RAP1GAP2: variants seen among roughly 807,000 people sequenced by gnomAD.
RAP1GAP2 encodes rap1 GTPase-activating protein 2.
RAP1GAP2 carries 27 observed loss-of-function variants against 95.0 expected under a neutral mutation model. That is an observed-to-expected ratio of 0.28 (90% CI 0.21 to 0.39). RAP1GAP2 has a LOEUF of 0.39. Ranked by LOEUF, RAP1GAP2 falls within the 10% of genes least tolerant of loss-of-function variation. RAP1GAP2 has a pLI of 1.00. For synonymous variants in RAP1GAP2, 373 were observed against 380.9 expected (o/e 0.98, Z 0.24); for missense variants, 771 against 970.0 (o/e 0.79, Z 2.72).
intron 1 of RAP1GAP2, among the ~76,000 whole-genome samples, chr17:2,780,164 T>C (rs995484566): frequency 3.9e-5 from 6 of 152,162 alleles, no homozygotes; most frequent in Non-Finnish European, 7.4e-5. Flanking sequence ...GATTCTCCTG[T>C]CTCAGCCTCC....
chr17:2,971,317 A>G (rs1295863754), intron 8 of RAP1GAP2, among the ~76,000 whole-genome samples: 1 of 152,256 alleles, frequency 6.6e-6, no homozygotes, highest in African/African-American at 2.4e-5. Flanking sequence ...AAGGGAATAG[A>G]AGCTGCAGTT....
Position 3,034,554 on chromosome 17 carries a change from G to A in RAP1GAP2, c.*1193G>A, listed in dbSNP as rs541185073. 6.3e-6 allele frequency: 1 copy of A among 157,754 alleles called. No individual in the cohort carries two copies. Among genetic ancestry groups the A allele is most frequent in the African/African-American group, 2.4e-5 (1 of 41,620 alleles). The allele number at this position is 157,754 out of a possible 1,614,324, so 9.8% of individuals were successfully genotyped here. ...TGTGCCCTTGGGCAGCTGCGTCTGG[G>A]GCTCAACCCCCCAATCCTGTTCCCC... On this transcript the variant is annotated 3_prime_UTR_variant, in exon 25 of 25. Coordinates refer to ENST00000254695, the MANE Select transcript of RAP1GAP2 (RefSeq NM_015085.5). This position sits in a 1 kb window ranked among gnomAD's most constrained non-coding sequence, Gnocchi z 5.1.
At chr17:2,925,945 C>T (rs2042942061) in intron 3 of RAP1GAP2, among the ~76,000 whole-genome samples, 1 of 152,062 alleles carries the variant, frequency 6.6e-6, no homozygotes, top group Non-Finnish European at 1.5e-5. Context: ...TTGAGACCAG[C>T]CTGGCCAACA....
chr17:2,985,142 C>A, intron 11 of RAP1GAP2, 76 bp downstream of exon 11: 1 of 1,595,526 alleles, frequency 6.3e-7, no homozygotes, highest in Non-Finnish European at 8.5e-7. Context: ...CCACCCAGAA[C>A]ACAGGAGTCC....
rs566091309 is a variant in RAP1GAP2 at position 2,829,781 on chromosome 17, A to T, written c.80+29231A>T. ...GGGTCCTTGGCTTTGGTCTGTGAGT[A>T]CCATGGTGGTTAAGAGCCTGGTCTC... On this transcript the variant is annotated intron_variant, in intron 2 of 24. Transcript: ENST00000254695. 2.7e-5 allele frequency among the ~76,000 whole-genome samples: 4 copies of T among 149,654 alleles called. No homozygotes were observed. In the East Asian group the frequency reaches 5.9e-4, roughly 22 times the overall value.
intron 4 of RAP1GAP2, among the ~76,000 whole-genome samples, chr17:2,960,253 G>A (rs1440291578): frequency 3.3e-5 from 5 of 152,204 alleles, no homozygotes; most frequent in Admixed American, 6.5e-5. Flanking sequence ...GTGGGGAGGG[G>A]ATGGGAGGAA....
rs1953988442 is a variant in RAP1GAP2 at position 3,036,987 on chromosome 17, C to T, written c.*3626C>T. The T allele has an allele frequency of 6.5e-6, 1 of 152,770 alleles. No individual in the cohort carries two copies. Among genetic ancestry groups the T allele is most frequent in the Admixed American group, 6.5e-5 (1 of 15,278 alleles). The allele number at this position is 152,770 out of a possible 1,614,324, so 9.5% of individuals were successfully genotyped here. ...CAGGCCAGTCAGCCATGCTCAGGAC[C>T]CCTCGGCTCCTCCCCCAGCCTCTAG... On this transcript the variant is annotated 3_prime_UTR_variant, in exon 25 of 25. Transcript: ENST00000254695.
chr17:3,005,412 C>T lies in RAP1GAP2; in HGVS notation c.1244C>T (p.Pro415Leu), dbSNP rs772961362. Residue 415 changes from proline (P) to leucine (L), a missense_variant, in exon 15 of 25, where the codon CCT becomes CTT. Transcript: ENST00000254695. This position sits in a 1 kb window ranked among gnomAD's most constrained non-coding sequence, Gnocchi z 5.2. ...GAAGATGTGCCCACCTTTGGTCCACCTCTGCCCAGTCCCCCCGTTTTCCAG... is the reference window on the plus strand; with the variant it reads ...GAAGATGTGCCCACCTTTGGTCCACTTCTGCCCAGTCCCCCCGTTTTCCAG... Reference protein sequence around the residue: ...AREDVPTFGPPLPSPPVFQKG... With the variant: ...AREDVPTFGPLLPSPPVFQKG... 6.2e-7 allele frequency: 1 copy of T among 1,613,846 alleles called. No individual in the cohort carries two copies.
intron 14 of RAP1GAP2, among the ~76,000 whole-genome samples, chr17:2,999,418 A>G (rs1311388560): frequency 1.3e-5 from 2 of 152,222 alleles, no homozygotes; most frequent in African/African-American, 2.4e-5. Flanking sequence ...AAGAGAGGCC[A>G]TACCTTAAAT....
At chr17:2,954,295 G>A (rs4790381) in intron 3 of RAP1GAP2, among the ~76,000 whole-genome samples, 4 of 151,412 alleles carry the variant, frequency 2.6e-5, no homozygotes, top group African/African-American at 9.7e-5. Context: ...TAGTAGAGAC[G>A]GGGTTTCACC....
chr17:2,928,284 G>A (rs1050910304), intron 3 of RAP1GAP2, among the ~76,000 whole-genome samples: 19 of 152,144 alleles, frequency 1.2e-4, no homozygotes, highest in Admixed American at 1.1e-3. Flanking sequence ...CCATGCGGCC[G>A]GTGGGGAAAC....
At position 2,842,616 on chromosome 17, in the gene RAP1GAP2, T is replaced by C. The variant is rs564954495; in HGVS notation, c.80+42066T>C. ...AGTAGTTTTGGAGCCCTCCCCTCCC[T>C]AGAGTTGCCTAAAAGCCGTGGGTGC... On this transcript the variant is annotated intron_variant, in intron 2 of 24. Transcript: ENST00000254695. Among the ~76,000 whole-genome samples, 190 of 150,692 alleles carry C rather than the reference T, an allele frequency of 1.3e-3. 1 individual carries two copies. Among genetic ancestry groups the C allele is most frequent in the African/African-American group, 1.8e-3 (74 of 41,080 alleles).
intron 2 of RAP1GAP2, among the ~76,000 whole-genome samples, chr17:2,880,621 A>T (rs2151666658): frequency 6.6e-6 from 1 of 152,128 alleles, no homozygotes; most frequent in East Asian, 1.9e-4. Context: ...TGTATCCATT[A>T]GCCGTCACTC....
At position 2,961,181 on chromosome 17, in the gene RAP1GAP2, C is replaced by T. The variant is rs561874478; in HGVS notation, c.202-1489C>T. Among the ~76,000 whole-genome samples the T allele has an allele frequency of 9.4e-4, 142 of 151,616 alleles. 1 individual carries two copies. The highest frequency in any genetic ancestry group is 3.3e-3 in the African/African-American group (138 of 41,262). On this transcript the variant is annotated intron_variant, in intron 4 of 24. Transcript: ENST00000254695. The stretch of plus-strand genomic sequence containing the variant: ...GCAGTGAACCGAGATCCCACCACTG[C>T]ACTCCAGCCTGGGCAACAAGAATGA...
chr17:2,784,304 T>G (rs1308599459), intron 1 of RAP1GAP2, among the ~76,000 whole-genome samples: 1 of 151,190 alleles, frequency 6.6e-6, no homozygotes, highest in African/African-American at 2.4e-5. Context: ...AGAGTCTCGC[T>G]CTGTCGCCCA....
rs1212283663 is a variant in RAP1GAP2, at chr17:2,963,111, A to G, written c.247-319A>G. 9 of 540,180 alleles carry G rather than the reference A, an allele frequency of 1.7e-5. No individual in the cohort carries two copies. The East Asian group carries it at 1.9e-4, about 12-fold the overall frequency. 33.5% of individuals were successfully genotyped at this position (540,180 alleles called of 1,614,324 possible). On this transcript the variant is annotated intron_variant, in intron 5 of 24. Transcript: ENST00000254695. This position sits in a 1 kb window ranked among gnomAD's most constrained non-coding sequence, Gnocchi z 4.8. ...TGGAGGTCAGTCCGCCTGCCTGGAA[A>G]GGGGTGCTGGGGGAGACTAGGGGTC...
At chr17:2,880,111 A>G (rs1258236371) in intron 2 of RAP1GAP2, among the ~76,000 whole-genome samples, 1 of 152,148 alleles carries the variant, frequency 6.6e-6, no homozygotes, top group Non-Finnish European at 1.5e-5. Flanking sequence ...GGCAGAGAGC[A>G]CGGGGACTGA....
chr17:2,999,661 AAG>A (rs899096122), intron 14 of RAP1GAP2, among the ~76,000 whole-genome samples: 1 of 152,202 alleles, frequency 6.6e-6, no homozygotes, highest in African/African-American at 2.4e-5. Context: ...AGAAAATAAA[AAG>A]AGGCTGGGCA....
exon 1 of RAP1GAP2, chr17:2,777,189 A>G (rs1177662390): frequency 2.6e-5 from 4 of 152,170 alleles, no homozygotes; most frequent in Non-Finnish European, 5.9e-5. Context: ...CGCTGCACAC[A>G]CGTCCACCTA....
Sources: gnomAD v4.1 joint callset for allele counts (sites outside exome capture counted in the v4.1 genomes callset) on GRCh38, gnomAD v4.1.1 for gene constraint, Gnocchi (gnomAD v3.1) non-coding constraint, MANE v1.5 for transcripts, NCBI Gene and HGNC (gene_info 2026-07-23, HGNC 2026-07-21) for gene names.